The following NMT1 variants were observed in gnomAD, a reference collection of about 807,000 sequenced individuals.
NMT1 encodes glycylpeptide N-tetradecanoyltransferase 1.
A neutral mutation model predicts 63.4 loss-of-function variants in NMT1; 12 were observed. That is an observed-to-expected ratio of 0.19 (90% CI 0.12 to 0.31). The LOEUF (loss-of-function observed/expected upper bound fraction) is 0.31, where lower values mean the gene tolerates loss of function less well. Ranked by LOEUF, NMT1 falls within the 10% of genes least tolerant of loss-of-function variation. NMT1 has a pLI of 1.00. For synonymous variants in NMT1, 228 were observed against 234.3 expected (o/e 0.97, Z 0.25); for missense variants, 432 against 634.6 (o/e 0.68, Z 3.43).
chr17:45,066,595 A>G (rs2053904241), intron 1 of NMT1, among the ~76,000 whole-genome samples: 1 of 152,028 alleles, frequency 6.6e-6, no homozygotes, highest in African/African-American at 2.4e-5. Context: ...CTCTATAAAT[A>G]AAAACAAAAA....
chr17:45,069,629 A>G (rs2053926991), intron 1 of NMT1, among the ~76,000 whole-genome samples: 1 of 152,052 alleles, frequency 6.6e-6, no homozygotes, highest in Non-Finnish European at 1.5e-5. Context: ...TGAGATTTGC[A>G]TCTCCACTGG....
In NMT1 at chr17:45,105,505, C is replaced by A; in HGVS notation, c.1471-114C>A. ...CCGGCTGGGTGTGAGTCTGCTCCCA[C>A]AGCACAGGCGGTGGACCCGGGCCCA... On this transcript the variant is annotated intron_variant, in intron 11 of 11. Transcript: ENST00000258960. This position sits in a 1 kb window ranked among gnomAD's most constrained non-coding sequence, Gnocchi z 4.2. 2.6e-6 allele frequency: 3 copies of A among 1,168,918 alleles called. No individual in the cohort carries two copies. In the South Asian group the frequency reaches 3.8e-5, roughly 15 times the overall value. The allele number at this position is 1,168,918 out of a possible 1,614,324, so 72.4% of individuals were successfully genotyped here.
chr17:45,088,871 T>C (rs2073820333), intron 3 of NMT1, among the ~76,000 whole-genome samples: 1 of 152,190 alleles, frequency 6.6e-6, no homozygotes, highest in South Asian at 2.1e-4. Context: ...GTGCTTCAGT[T>C]TAGTTCTCAG....
Position 45,107,553 on chromosome 17 carries a change from C to A in NMT1, c.*1914C>A. On this transcript the variant is annotated 3_prime_UTR_variant, in exon 12 of 12. Transcript: ENST00000258960. ...GGGGCTTGCTTTGCAGCCCCACAGA[C>A]AACAGTTGCACAGTGCCTCAAGCCC... 1 of 152,806 alleles carries A rather than the reference C, an allele frequency of 6.5e-6. No individual in the cohort carries two copies. The highest frequency in any genetic ancestry group is 2.1e-4 in the South Asian group (1 of 4,834). 9.5% of individuals were successfully genotyped at this position (152,806 alleles called of 1,614,324 possible).
intron 1 of NMT1, among the ~76,000 whole-genome samples, chr17:45,072,949 T>C (rs1030337508): frequency 6.6e-6 from 1 of 152,228 alleles, no homozygotes; most frequent in African/African-American, 2.4e-5. Context: ...CATAGAATAT[T>C]AACACAGCTG....
intron 1 of NMT1, among the ~76,000 whole-genome samples, chr17:45,070,225 C>T (rs2053930962): frequency 6.6e-6 from 1 of 151,912 alleles, no homozygotes; most frequent in Non-Finnish European, 1.5e-5. Context: ...ACCTGCTGTT[C>T]TCTTCACAGA....
chr17:45,098,042 T>C (rs928885332), intron 6 of NMT1, among the ~76,000 whole-genome samples: 1 of 152,188 alleles, frequency 6.6e-6, no homozygotes, highest in African/African-American at 2.4e-5. Context: ...TAGAATTGCC[T>C]TGACCTGCCC....
chr17:45,066,609 C>T (rs2053904410), intron 1 of NMT1, among the ~76,000 whole-genome samples: 1 of 151,720 alleles, frequency 6.6e-6, no homozygotes. Flanking sequence ...ACAAAAAAAC[C>T]CAAACCCTTC....
In NMT1 at chr17:45,095,849, C is replaced by T. The variant is rs117450793; in HGVS notation, c.505-345C>T. ...AAGGTGGGAAACAGCAGTGACTCTC[C>T]GTGGTAATTCCTTGACTAGCTTCGA... On this transcript the variant is annotated intron_variant, in intron 4 of 11. Transcript: ENST00000258960. Among the ~76,000 whole-genome samples the T allele has an allele frequency of 2.8e-3, 427 of 152,256 alleles. 2 individuals are homozygous for T. Among genetic ancestry groups the T allele is most frequent in the South Asian group, 1.0e-2 (48 of 4,820 alleles).
intron 7 of NMT1, 129 bp from the exon 8 acceptor site, chr17:45,099,276 C>T (rs2054145940): frequency 5.8e-6 from 4 of 689,754 alleles, no homozygotes; most frequent in East Asian, 5.3e-5. Context: ...AGCAGGGTGA[C>T]ACCACTGACT....
intron 1 of NMT1, among the ~76,000 whole-genome samples, chr17:45,075,221 C>T (rs1296538103): frequency 6.6e-6 from 1 of 152,154 alleles, no homozygotes. Context: ...CGGTGGCTCA[C>T]GCCTGTAATC....
chr17:45,086,998 TAA>T (rs34544143), intron 3 of NMT1, among the ~76,000 whole-genome samples: 2 of 143,278 alleles, frequency 1.4e-5, no homozygotes. Context: ...CCACAAAAAG[TAA>T]AAAAAAAAAA....
chr17:45,104,189 C>A lies in NMT1; in HGVS notation c.1332+313C>A. The A allele has an allele frequency of 1.6e-6, 2 of 1,269,050 alleles. No homozygotes were observed. The highest frequency in any genetic ancestry group is 3.0e-5 in the African/African-American group (2 of 65,610). 78.6% of individuals were successfully genotyped at this position (1,269,050 alleles called of 1,614,324 possible). On this transcript the variant is annotated intron_variant, in intron 10 of 11. Transcript: ENST00000258960. This position sits in a 1 kb window ranked among gnomAD's most constrained non-coding sequence, Gnocchi z 4.2. The stretch of plus-strand genomic sequence containing the variant: ...GGACAGGGCTTCTCCTCACAGCTTT[C>A]CCAGCGTGGGAAAGGGGTGATTGCT...
intron 4 of NMT1, among the ~76,000 whole-genome samples, chr17:45,095,600 T>C (rs2054120057): frequency 1.3e-5 from 2 of 152,060 alleles, no homozygotes. Flanking sequence ...CTGCCCCCGC[T>C]ACAAAAGAAA....
chr17:45,063,204 CAAAAA>C lies in NMT1; in HGVS notation c.131+1764_131+1768del, dbSNP rs5820561. On this transcript the variant is annotated intron_variant, in intron 1 of 11. Transcript: ENST00000258960. ...TGGGCGACAGAGCGAGACTCCGACT[CAAAAA>C]AAAAAAAAAAAAAAAAAAATCACAG... is the stretch of plus-strand genomic sequence containing the variant. Among the ~76,000 whole-genome samples, 12 of 79,978 alleles carry C rather than the reference CAAAAA, an allele frequency of 1.5e-4. No homozygotes were observed. In the Admixed American group the frequency reaches 1.7e-3, roughly 11 times the overall value. 52.5% of individuals were successfully genotyped at this position (79,978 alleles called of 152,430 possible). A position where few individuals can be genotyped will look rare whatever the true frequency, so the allele number is the denominator to read the frequency against.
chr17:45,104,556 C>T lies in NMT1; in HGVS notation c.1333-303C>T. On this transcript the variant is annotated intron_variant, in intron 10 of 11. Transcript: ENST00000258960. This position sits in a 1 kb window ranked among gnomAD's most constrained non-coding sequence, Gnocchi z 4.2. ...CTCAGGGTTTGGACTCCAGAGAGGACTGTGGAAATTACTAGAGTTTCAGGG... is the reference window on the plus strand; with the variant it reads ...CTCAGGGTTTGGACTCCAGAGAGGATTGTGGAAATTACTAGAGTTTCAGGG... The T allele has an allele frequency of 8.5e-7, 1 of 1,181,248 alleles. No individual in the cohort carries two copies. Among genetic ancestry groups the T allele is most frequent in the Non-Finnish European group, 1.1e-6 (1 of 948,904 alleles). The allele number at this position is 1,181,248 out of a possible 1,614,324, so 73.2% of individuals were successfully genotyped here.
intron 3 of NMT1, among the ~76,000 whole-genome samples, chr17:45,088,591 C>T (rs940927313): frequency 5.3e-5 from 8 of 152,186 alleles, no homozygotes; most frequent in Admixed American, 3.3e-4. Flanking sequence ...CTCGTCTCTA[C>T]TAAAAATACA....
chr17:45,101,842 TACCGTTAG>T (rs2054168620), intron 8 of NMT1, among the ~76,000 whole-genome samples: 1 of 152,118 alleles, frequency 6.6e-6, no homozygotes, highest in South Asian at 2.1e-4. Flanking sequence ...ACTGCTGCAG[TACCGTTAG>T]ACACTGCCAA....
Position 45,071,083 on chromosome 17 carries a change from G to A in NMT1, c.131+9623G>A, listed in dbSNP as rs1045408671. Among the ~76,000 whole-genome samples, 7 of 152,230 alleles carry A rather than the reference G, an allele frequency of 4.6e-5. No individual in the cohort carries two copies. In the East Asian group the frequency reaches 1.3e-3, roughly 29 times the overall value. On this transcript the variant is annotated intron_variant, in intron 1 of 11. Transcript: ENST00000258960. ...ATTCACCTCTCTTTGGTCTTTCTGA[G>A]TACTAATAGGATTATTAGTGAACTT...
Sources: gnomAD v4.1 joint callset for allele counts (sites outside exome capture counted in the v4.1 genomes callset) on GRCh38, gnomAD v4.1.1 for gene constraint, Gnocchi (gnomAD v3.1) non-coding constraint, MANE v1.5 for transcripts, NCBI Gene and HGNC (gene_info 2026-07-23, HGNC 2026-07-21) for gene names.